The following FHAD1 variants were observed in gnomAD, a reference collection of about 807,000 sequenced individuals.
FHAD1 encodes forkhead-associated domain-containing protein 1.
In FHAD1, 146 loss-of-function variants were observed where a neutral mutation model predicts 191.3. The ratio of observed to expected loss-of-function variants is 0.76; its 90% CI spans 0.67 to 0.88. The LOEUF (loss-of-function observed/expected upper bound fraction) is 0.88, where lower values mean the gene tolerates loss of function less well. Among genes scored for constraint, FHAD1 ranks in the 40% least tolerant of loss-of-function variants. The pLI is 0.00. For synonymous variants in FHAD1, 616 were observed against 672.3 expected (o/e 0.92, Z 1.29); for missense variants, 1,635 against 1,785.8 (o/e 0.92, Z 1.52).
chr1:15,357,902 C>A (rs946732707), intron 20 of FHAD1: 9 of 470,174 alleles, frequency 1.9e-5, no homozygotes, highest in Admixed American at 4.3e-5. Context: ...GACCAGAAAT[C>A]ACAAGGAGAC....
In FHAD1 at chr1:15,327,151, G is replaced by T. The variant is rs1376426061; in HGVS notation, c.1557+9G>T. 6.5e-7 allele frequency: 1 copy of T among 1,541,566 alleles called. No individual in the cohort carries two copies. Among genetic ancestry groups the T allele is most frequent in the East Asian group, 2.5e-5 (1 of 40,788 alleles). ...CCGTCACCGACCAACAGGTTAGTCT[G>T]CCGTCCCTGCCACGTGGCTCCTTCA... On this transcript the variant is annotated intron_variant, in intron 12 of 33. Coordinates refer to ENST00000688493, the MANE Select transcript of FHAD1 (RefSeq NM_001391957.1). This position sits in a 1 kb window ranked among gnomAD's most constrained non-coding sequence, Gnocchi z 5.1.
chr1:15,309,658 AGATTTTTTTTTTTTAGC>A (rs1267482618), intron 7 of FHAD1, among the ~76,000 whole-genome samples: 24 of 141,864 alleles, frequency 1.7e-4, no homozygotes, highest in Non-Finnish European at 7.4e-5. Context: ...AAACATTATG[AGATTTTTTTTTTTTAGC>A]GATTTTTTTT....
chr1:15,367,340 A>T, intron 24 of FHAD1, 123 bp from the exon 25 acceptor site: 3 of 1,124,762 alleles, frequency 2.7e-6, no homozygotes, highest in Non-Finnish European at 3.7e-6. Flanking sequence ...TACTAAAAAT[A>T]CAAAAATTAG....
intron 20 of FHAD1, among the ~76,000 whole-genome samples, chr1:15,356,019 A>G (rs12131993): frequency 0.4 from 60,060 of 151,520 alleles, 12,348 homozygotes; most frequent in South Asian, 0.48. Context: ...CACTATCGAC[A>G]TTTTGATGTG....
intron 26 of FHAD1, among the ~76,000 whole-genome samples, chr1:15,372,150 A>G (rs1009046408): frequency 6.6e-6 from 1 of 151,110 alleles, no homozygotes; most frequent in Non-Finnish European, 1.5e-5. Context: ...TGGTCAGGTG[A>G]TCAGGTGGTC....
chr1:15,396,324 GA>G (rs559665415), intron 33 of FHAD1, among the ~76,000 whole-genome samples: 301 of 131,980 alleles, frequency 2.3e-3, no homozygotes, highest in South Asian at 0.01. Context: ...CCCATATCAA[GA>G]AAAAAAAAAA....
At chr1:15,275,312 C>A (rs1657913859) in intron 3 of FHAD1, among the ~76,000 whole-genome samples, 1 of 152,184 alleles carries the variant, frequency 6.6e-6, no homozygotes, top group Non-Finnish European at 1.5e-5. Flanking sequence ...TTTAAAAATT[C>A]TTATTTCTAC....
In FHAD1 at chr1:15,367,608, TGAG is replaced by T. The variant is rs1169493138; in HGVS notation, c.3305_3307del (p.Glu1102del). The T allele has an allele frequency of 5.4e-6, 7 of 1,296,354 alleles. No individual in the cohort carries two copies. The South Asian group carries it at 6.4e-5, about 12-fold the overall frequency. 80.3% of individuals were successfully genotyped at this position (1,296,354 alleles called of 1,614,324 possible). ...AGAAAGATCGGGAGCTGAAGGCCCT[TGAG>T]GAGGCACTCAGGTTGGGTGGGCGGG... On this transcript the variant is annotated inframe_deletion, in exon 25 of 34. Transcript: ENST00000688493.
rs953798262 is a variant in FHAD1, at chr1:15,329,442, A to G, written c.1807A>G (p.Lys603Glu). The G allele has an allele frequency of 3.2e-6, 5 of 1,551,172 alleles. No individual in the cohort carries two copies. In the African/African-American group the frequency reaches 6.8e-5, roughly 21 times the overall value. ...GAGCCCACCTGTCTCGGGGCTCCAGAAGGTGGTGCTGGACGTCCTGAGGCA... is the reference window on the plus strand; with the variant it reads ...GAGCCCACCTGTCTCGGGGCTCCAGGAGGTGGTGCTGGACGTCCTGAGGCA... Reference protein sequence around the residue: ...QVSPPVSGLQKVVLDVLRHAL... With the variant: ...QVSPPVSGLQEVVLDVLRHAL... The change falls in exon 14 of 34, where the codon AAG becomes GAG. Residue 603 changes from lysine (K) to glutamate (E), a missense_variant. Lys to Glu is a moderately conservative substitution (Grantham distance 56). Coordinates refer to ENST00000688493, the MANE Select transcript of FHAD1 (RefSeq NM_001391957.1). This position sits in a 1 kb window ranked among gnomAD's most constrained non-coding sequence, Gnocchi z 5.0.
intron 21 of FHAD1, among the ~76,000 whole-genome samples, chr1:15,358,951 G>C (rs983755872): frequency 1.4e-5 from 2 of 146,806 alleles, no homozygotes; most frequent in Admixed American, 1.3e-4. Context: ...GCGGGAGCTG[G>C]GGGAGGCGTG....
chr1:15,377,714 C>T (rs1185562001), intron 28 of FHAD1, among the ~76,000 whole-genome samples: 1 of 152,038 alleles, frequency 6.6e-6, no homozygotes, highest in Non-Finnish European at 1.5e-5. Flanking sequence ...TGCCTGTAGT[C>T]CCAGCTACTC....
intron 26 of FHAD1, among the ~76,000 whole-genome samples, chr1:15,372,182 G>T (rs1008351904): frequency 1.4e-4 from 20 of 147,410 alleles, no homozygotes; most frequent in African/African-American, 4.5e-4. Flanking sequence ...TGCTGGAGGA[G>T]ACCTGGAGCA....
intron 2 of FHAD1, among the ~76,000 whole-genome samples, chr1:15,269,286 A>G (rs951250132): frequency 6.6e-6 from 1 of 151,986 alleles, no homozygotes; most frequent in African/African-American, 2.4e-5. Context: ...TTCTTTTCTT[A>G]TGTGTGCATT....
intron 19 of FHAD1, among the ~76,000 whole-genome samples, chr1:15,350,250 C>A (rs1408922200): frequency 6.6e-6 from 1 of 152,274 alleles, no homozygotes; most frequent in East Asian, 1.9e-4. Flanking sequence ...GAGCTTCCAT[C>A]CTAGCGCAGG....
In FHAD1 at chr1:15,365,921, T is replaced by C; in HGVS notation, c.3142T>C (p.Ser1048Pro). The change falls in exon 24 of 34, where the codon TCG (serine) becomes CCG (proline). Residue 1048 changes from serine (S) to proline (P), a missense_variant. Transcript: ENST00000688493. ...CCTTACCGAAGCCCACAGCAGAATG[T>C]CGGATTTGAGAGGTTTGAACAATTT... Reference protein sequence around the residue: ...KDLTEAHSRMSDLRGELNEKQ... With the variant: ...KDLTEAHSRMPDLRGELNEKQ... 1.3e-6 allele frequency: 2 copies of C among 1,550,784 alleles called. No individual in the cohort carries two copies. Among genetic ancestry groups the C allele is most frequent in the African/African-American group, 2.7e-5 (2 of 73,122 alleles).
chr1:15,294,144 G>A lies in FHAD1; in HGVS notation c.569-2540G>A, dbSNP rs1383985083. Reference sequence around the variant, plus strand: ...GCTCCAGGCTTAGGAGAACACTTCCGGCTCCAGGCCTCCAGGTTGGCTCTC... The same window carrying A: ...GCTCCAGGCTTAGGAGAACACTTCCAGCTCCAGGCCTCCAGGTTGGCTCTC... On this transcript the variant is annotated intron_variant, in intron 4 of 33. Coordinates refer to ENST00000688493, the MANE Select transcript of FHAD1 (RefSeq NM_001391957.1). 8.5e-5 allele frequency among the ~76,000 whole-genome samples: 13 copies of A among 152,278 alleles called. No individual in the cohort carries two copies. In the South Asian group the frequency reaches 1.4e-3, roughly 17 times the overall value.
intron 21 of FHAD1, among the ~76,000 whole-genome samples, chr1:15,359,798 A>G (rs532945379): frequency 1.3e-5 from 2 of 150,970 alleles, no homozygotes; most frequent in African/African-American, 4.9e-5. Flanking sequence ...AAAATGCAAG[A>G]AAATAGCCAG....
At chr1:15,324,718 AC>A (rs1261035437) in intron 11 of FHAD1, 159 bp downstream of exon 11, 15 of 623,262 alleles carry the variant, frequency 2.4e-5, no homozygotes, top group Non-Finnish European at 4.4e-5. Flanking sequence ...GCAGCTCCCC[AC>A]CCCCATGGAC....
chr1:15,402,604 G>T (rs900539318), downstream of FHAD1, among the ~76,000 whole-genome samples: 1 of 152,176 alleles, frequency 6.6e-6, no homozygotes, highest in African/African-American at 2.4e-5. Flanking sequence ...TTTGTATAGA[G>T]TACTTCCTAG....
Sources: allele counts gnomAD v4.1 joint callset (sites outside exome capture counted in the v4.1 genomes callset), GRCh38; gene constraint gnomAD v4.1.1; non-coding constraint Gnocchi (gnomAD v3.1); transcripts MANE v1.5; gene names NCBI Gene and HGNC (gene_info 2026-07-23, HGNC 2026-07-21).